The following CSTPP1 variants were observed in gnomAD, a reference collection of about 807,000 sequenced individuals.
The protein encoded by CSTPP1 is centriolar satellite-associated tubulin polyglutamylase complex regulator 1, also known as UPF0705 protein C11orf49.
At chr11:46,964,830 C>A in the CSTPP1 span, among the ~76,000 whole-genome samples, 1 of 152,144 alleles carries the variant, frequency 6.6e-6, no homozygotes, top group Non-Finnish European at 1.5e-5. Context: ...GGGAACAAGG[C>A]TTTAATCGGG....
the CSTPP1 span, among the ~76,000 whole-genome samples, chr11:47,089,049 C>G: frequency 1.8e-3 from 278 of 152,242 alleles, no homozygotes; most frequent in Non-Finnish European, 3.3e-3. Flanking sequence ...TTCTGAGTGT[C>G]CTTTTCTCAT....
At chr11:47,015,499 A>AAT in the CSTPP1 span, among the ~76,000 whole-genome samples, 2 of 151,634 alleles carry the variant, frequency 1.3e-5, no homozygotes, top group African/African-American at 4.8e-5. Context: ...ACAAACAAAA[A>AAT]ATATATATAT....
the CSTPP1 span, among the ~76,000 whole-genome samples, chr11:47,005,260 G>A: frequency 6.6e-6 from 1 of 152,120 alleles, no homozygotes; most frequent in Non-Finnish European, 1.5e-5. Context: ...GATCACTAAA[G>A]CATTCAAAAA....
At chr11:46,989,967 G>A in the CSTPP1 span, among the ~76,000 whole-genome samples, 53 of 152,172 alleles carry the variant, frequency 3.5e-4, no homozygotes, top group African/African-American at 1.3e-3. Context: ...TTGCTACAAA[G>A]GACATGATTT....
chr11:46,969,724 T>G, the CSTPP1 span, among the ~76,000 whole-genome samples: 1 of 152,192 alleles, frequency 6.6e-6, no homozygotes, highest in East Asian at 1.9e-4. Flanking sequence ...GCAATGAGAA[T>G]TAATGAACAG....
At chr11:47,000,670 CTACTCTG>C in the CSTPP1 span, among the ~76,000 whole-genome samples, 1 of 152,068 alleles carries the variant, frequency 6.6e-6, no homozygotes, top group African/African-American at 2.4e-5. Context: ...TTTTGGGCAC[CTACTCTG>C]TGCCTGTGTG....
the CSTPP1 span, among the ~76,000 whole-genome samples, chr11:46,983,545 G>A: frequency 9.2e-5 from 14 of 152,164 alleles, no homozygotes; most frequent in Non-Finnish European, 1.8e-4. Flanking sequence ...TTTCCAAGGG[G>A]CAGCTAAGGT....
chr11:47,003,804 G>A, the CSTPP1 span, among the ~76,000 whole-genome samples: 1 of 152,188 alleles, frequency 6.6e-6, no homozygotes, highest in Non-Finnish European at 1.5e-5. Flanking sequence ...CTGGGTGGCC[G>A]TAGAAGCAGA....
chr11:47,157,917 C>A, the CSTPP1 span: 5 of 1,613,262 alleles, frequency 3.1e-6, no homozygotes, highest in East Asian at 2.2e-5. Context: ...ATCAACCAAG[C>A]CCTCGGTAAG....
chr11:46,989,145 G>A, the CSTPP1 span, among the ~76,000 whole-genome samples: 4 of 151,954 alleles, frequency 2.6e-5, no homozygotes, highest in East Asian at 7.8e-4. Context: ...CAGGAGAATC[G>A]CTTGAACCCA....
chr11:47,147,645 C>T, the CSTPP1 span, among the ~76,000 whole-genome samples: 1 of 152,094 alleles, frequency 6.6e-6, no homozygotes, highest in African/African-American at 2.4e-5. Flanking sequence ...TTCATTACCA[C>T]GAGACAGCAC....
At chr11:47,145,903 A>G in the CSTPP1 span, among the ~76,000 whole-genome samples, 14 of 130,050 alleles carry the variant, frequency 1.1e-4, no homozygotes, top group East Asian at 1.8e-3. Flanking sequence ...TCCGTAAATT[A>G]TTTTATTTTA....
the CSTPP1 span, among the ~76,000 whole-genome samples, chr11:47,020,976 T>C: frequency 6.6e-6 from 1 of 152,224 alleles, no homozygotes; most frequent in Non-Finnish European, 1.5e-5. Flanking sequence ...AACCATGTAG[T>C]GGCAGTAGAT....
chr11:46,980,010 G>A, the CSTPP1 span, among the ~76,000 whole-genome samples: 1 of 152,090 alleles, frequency 6.6e-6, no homozygotes, highest in African/African-American at 2.4e-5. Flanking sequence ...GAAATACTGA[G>A]GCAGTAGGAT....
At chr11:47,141,796 G>A in the CSTPP1 span, among the ~76,000 whole-genome samples, 12 of 151,642 alleles carry the variant, frequency 7.9e-5, no homozygotes, top group Admixed American at 7.9e-4. Flanking sequence ...AGCTGGGCAT[G>A]GTGGTGCACA....
At chr11:47,052,539 T>TTTCCTTCCTTCCTTCC in the CSTPP1 span, 2 of 1,608,050 alleles carry the variant, frequency 1.2e-6, no homozygotes, top group South Asian at 1.1e-5. Context: ...CCAAATTCTT[T>TTTCCTTCCTTCCTTCC]TTCCTTCCTT....
At chr11:47,061,335 A>G in the CSTPP1 span, among the ~76,000 whole-genome samples, 1 of 152,228 alleles carries the variant, frequency 6.6e-6, no homozygotes, top group Non-Finnish European at 1.5e-5. Context: ...AGTATGTGAT[A>G]AAAATCTGTT....
At chr11:47,104,762 G>T in the CSTPP1 span, among the ~76,000 whole-genome samples, 1 of 152,186 alleles carries the variant, frequency 6.6e-6, no homozygotes, top group Non-Finnish European at 1.5e-5. Context: ...TAAGGCCCCA[G>T]TTACAGGGCA....
the CSTPP1 span, among the ~76,000 whole-genome samples, chr11:47,037,990 T>C: frequency 9.0e-6 from 1 of 111,322 alleles, no homozygotes; most frequent in Admixed American, 9.5e-5. Flanking sequence ...CCCCCCCACC[T>C]CCCTCCTGGA....
Sources: gnomAD v4.1 joint callset for allele counts (sites outside exome capture counted in the v4.1 genomes callset) on GRCh38, gnomAD v4.1.1 for gene constraint, MANE v1.5 for transcripts, NCBI Gene and HGNC (gene_info 2026-07-23, HGNC 2026-07-21) for gene names.